STK3: variants seen among roughly 807,000 people sequenced by gnomAD.
The protein encoded by STK3 is serine/threonine-protein kinase 3.
In STK3, 41 loss-of-function variants were observed where a neutral mutation model predicts 58.0. That is an observed-to-expected ratio of 0.71 (90% CI 0.55 to 0.92). The LOEUF is 0.92. Ranked by LOEUF, STK3 falls within the 40% of genes least tolerant of loss-of-function variation. The pLI is 0.00. For missense variants in STK3, 479 were observed against 602.7 expected (o/e 0.79, Z 2.15); for synonymous variants, 170 against 191.0 (o/e 0.89, Z 0.91).
intron 1 of STK3, among the ~76,000 whole-genome samples, chr8:98,802,449 G>T (rs1005363438): frequency 4.6e-5 from 7 of 152,092 alleles, no homozygotes; most frequent in African/African-American, 1.7e-4. Context: ...AAATAATAAA[G>T]GATGCAGTAT....
intron 1 of STK3, among the ~76,000 whole-genome samples, chr8:98,897,102 G>A (rs1265547471): frequency 6.6e-6 from 1 of 152,198 alleles, no homozygotes; most frequent in Non-Finnish European, 1.5e-5. Context: ...CTAGAAACCT[G>A]AAAACAACAT....
chr8:98,516,557 G>A (rs549774853), intron 10 of STK3, among the ~76,000 whole-genome samples: 1 of 152,054 alleles, frequency 6.6e-6, no homozygotes, highest in South Asian at 2.1e-4. Flanking sequence ...AAAGCAAGGG[G>A]AAATTATCTG....
chr8:98,645,280 C>T (rs1222446301), intron 6 of STK3, among the ~76,000 whole-genome samples: 1 of 152,162 alleles, frequency 6.6e-6, no homozygotes, highest in African/African-American at 2.4e-5. Flanking sequence ...GCGTGTTCAT[C>T]CTCCTACTCA....
intron 3 of STK3, among the ~76,000 whole-genome samples, 188 bp from the exon 4 acceptor site, chr8:98,749,578 A>G (rs1829844181): frequency 6.6e-6 from 1 of 152,096 alleles, no homozygotes; most frequent in East Asian, 1.9e-4. Context: ...TACTTCATGG[A>G]CGAAATTTAA....
intron 6 of STK3, among the ~76,000 whole-genome samples, chr8:98,680,779 C>T (rs1318014729): frequency 6.6e-6 from 1 of 151,734 alleles, no homozygotes; most frequent in Non-Finnish European, 1.5e-5. Flanking sequence ...ATTTAAGATC[C>T]AGAGAACTAA....
At chr8:98,692,638 AGTG>A (rs1452428801) in intron 6 of STK3, among the ~76,000 whole-genome samples, 1 of 152,178 alleles carries the variant, frequency 6.6e-6, no homozygotes, top group Non-Finnish European at 1.5e-5. Flanking sequence ...TTCTAGAAAT[AGTG>A]GTAATGATTG....
At chr8:98,635,026 G>C (rs1258285454) in intron 6 of STK3, among the ~76,000 whole-genome samples, 1 of 151,974 alleles carries the variant, frequency 6.6e-6, no homozygotes, top group Non-Finnish European at 1.5e-5. Flanking sequence ...AGCCTGTAAA[G>C]TTCCATAGCA....
intron 1 of STK3, among the ~76,000 whole-genome samples, chr8:98,915,280 T>C (rs916542027): frequency 1.3e-5 from 2 of 151,744 alleles, no homozygotes; most frequent in Non-Finnish European, 2.9e-5. Flanking sequence ...CCGGACTATA[T>C]CTTTCTCCCA....
At chr8:98,913,321 C>G (rs1839223138) in intron 1 of STK3, among the ~76,000 whole-genome samples, 1 of 152,188 alleles carries the variant, frequency 6.6e-6, no homozygotes, top group South Asian at 2.1e-4. Context: ...AATTCTCTCT[C>G]CCTTCTCTAA....
chr8:98,480,774 A>G (rs1009502253), intron 10 of STK3, among the ~76,000 whole-genome samples: 2 of 152,194 alleles, frequency 1.3e-5, no homozygotes, highest in Admixed American at 6.5e-5. Flanking sequence ...AACAAAATTA[A>G]TAATAGTCTA....
intron 2 of STK3, among the ~76,000 whole-genome samples, chr8:98,772,027 TGTTA>T (rs1831342946): frequency 6.6e-6 from 1 of 152,214 alleles, no homozygotes; most frequent in Non-Finnish European, 1.5e-5. Context: ...TGCCTTTCTT[TGTTA>T]GTCTAATGAA....
intron 8 of STK3, among the ~76,000 whole-genome samples, chr8:98,571,152 A>G (rs1812931706): frequency 6.6e-6 from 1 of 152,196 alleles, no homozygotes; most frequent in African/African-American, 2.4e-5. Context: ...CAACATGGCT[A>G]AACCTTGTCT....
At chr8:98,672,663 T>C (rs568717566) in intron 6 of STK3, among the ~76,000 whole-genome samples, 52 of 152,272 alleles carry the variant, frequency 3.4e-4, no homozygotes, top group Non-Finnish European at 4.1e-4. Flanking sequence ...TTCAAAGCAA[T>C]TGCCTCAGTA....
chr8:98,593,378 C>T (rs1265630513), intron 7 of STK3, among the ~76,000 whole-genome samples: 2 of 152,124 alleles, frequency 1.3e-5, no homozygotes, highest in East Asian at 3.8e-4. Context: ...AATCTGTACA[C>T]GTAAGCTATA....
At chr8:98,404,444 G>A (rs542839747) in intron 3 of STK3, among the ~76,000 whole-genome samples, 1 of 152,286 alleles carries the variant, frequency 6.6e-6, no homozygotes, top group South Asian at 2.1e-4. Context: ...ACTTTGGGAG[G>A]CCGAGACGGG....
At chr8:98,694,641 A>C (rs1242640182) in intron 6 of STK3, among the ~76,000 whole-genome samples, 1 of 152,094 alleles carries the variant, frequency 6.6e-6, no homozygotes, top group African/African-American at 2.4e-5. Flanking sequence ...GAGAATCATG[A>C]TTTCCAACTT....
intron 7 of STK3, among the ~76,000 whole-genome samples, chr8:98,590,088 C>T (rs942018009): frequency 3.9e-4 from 59 of 152,178 alleles, no homozygotes; most frequent in African/African-American, 8.0e-4. Context: ...AGCTGTAGAC[C>T]GGAGCTGTTC....
chr8:98,809,026 C>CA (rs1416793929), intron 1 of STK3, among the ~76,000 whole-genome samples: 10 of 152,186 alleles, frequency 6.6e-5, no homozygotes, highest in Admixed American at 1.3e-4. Context: ...TGATGGGACT[C>CA]AGAGAATTTC....
chr8:98,620,935 T>A (rs1012242815), intron 6 of STK3, among the ~76,000 whole-genome samples: 1 of 148,614 alleles, frequency 6.7e-6, no homozygotes, highest in African/African-American at 2.5e-5. Flanking sequence ...ATTTTTTTTT[T>A]TTTTTTTTTT....
Sources: allele counts gnomAD v4.1 joint callset (sites outside exome capture counted in the v4.1 genomes callset), GRCh38; gene constraint gnomAD v4.1.1; transcripts MANE v1.5; gene names NCBI Gene and HGNC (gene_info 2026-07-23, HGNC 2026-07-21).